Variants in TAB2 observed in about 807,000 individuals in gnomAD.
TAB2 encodes the protein TGF-beta-activated kinase 1 and MAP3K7-binding protein 2.
TAB2 carries 3 observed loss-of-function variants against 65.0 expected under a neutral mutation model. The ratio of observed to expected loss-of-function variants is 0.05; its 90% CI spans 0.02 to 0.12. TAB2 has a LOEUF of 0.12. Among genes scored for constraint, TAB2 ranks in the 10% least tolerant of loss-of-function variants. TAB2 has a pLI of 1.00. For synonymous variants in TAB2, 298 were observed against 285.1 expected (o/e 1.05, Z -0.46); for missense variants, 623 against 840.3 (o/e 0.74, Z 3.20).
Position 149,378,811 on chromosome 6 carries a change from A to G in TAB2, c.896A>G (p.His299Arg), listed in dbSNP as rs990325896. ...ACTACTTCACAACCACCAACCATTC[A>G]TTCATCTGGTAGCTCACAGTCTTCT... is the stretch of plus-strand genomic sequence containing the variant. ...SPTTSQPPTIHSSGSSQSSAH... is the reference protein window; with the variant it reads ...SPTTSQPPTIRSSGSSQSSAH... The change falls in exon 3 of 7, where the codon CAT becomes CGT. Residue 299 changes from histidine (H) to arginine (R), a missense_variant. Coordinates refer to ENST00000637181, the MANE Select transcript of TAB2 (RefSeq NM_001292034.3). 4 of 1,614,098 alleles carry G rather than the reference A, an allele frequency of 2.5e-6. No individual in the cohort carries two copies. The highest frequency in any genetic ancestry group is 3.4e-6 in the Non-Finnish European group (4 of 1,180,030).
chr6:149,390,679 C>G (rs1781954518), intron 3 of TAB2, among the ~76,000 whole-genome samples: 2 of 152,134 alleles, frequency 1.3e-5, no homozygotes, highest in Non-Finnish European at 2.9e-5. Flanking sequence ...TTTAAGAGCC[C>G]TGGTGCTTGA....
chr6:149,286,991 T>TGC (rs1562400794), intron 1 of TAB2, among the ~76,000 whole-genome samples: 2 of 151,776 alleles, frequency 1.3e-5, no homozygotes, highest in African/African-American at 2.4e-5. Context: ...GTGGTAAGCA[T>TGC]CTGTAATCTC....
At chr6:149,346,811 A>G (rs1195187052) in intron 1 of TAB2, among the ~76,000 whole-genome samples, 2 of 152,174 alleles carry the variant, frequency 1.3e-5, no homozygotes, top group African/African-American at 2.4e-5. Flanking sequence ...ATTAATATTT[A>G]ACCAACTTAT....
intron 1 of TAB2, among the ~76,000 whole-genome samples, chr6:149,327,674 G>T (rs907260097): frequency 6.6e-6 from 1 of 152,178 alleles, no homozygotes; most frequent in African/African-American, 2.4e-5. Context: ...AATTTGCATT[G>T]AGAGTGACTT....
intron 3 of TAB2, among the ~76,000 whole-genome samples, chr6:149,395,506 T>C (rs1330606915): frequency 6.6e-6 from 1 of 152,256 alleles, no homozygotes; most frequent in African/African-American, 2.4e-5. Context: ...CCCTAAATAC[T>C]GAACATGTAT....
At chr6:149,288,523 G>T (rs1271979101) in intron 1 of TAB2, among the ~76,000 whole-genome samples, 1 of 152,160 alleles carries the variant, frequency 6.6e-6, no homozygotes, top group South Asian at 2.1e-4. Context: ...CAGGAAAAGG[G>T]TCTTTTCCTC....
chr6:149,249,817 G>A (rs1399939287), intron 1 of TAB2, among the ~76,000 whole-genome samples: 1 of 152,132 alleles, frequency 6.6e-6, no homozygotes, highest in African/African-American at 2.4e-5. Flanking sequence ...CTCCATCACT[G>A]GTCTTACAAA....
chr6:149,388,004 T>C (rs562637222), intron 3 of TAB2, among the ~76,000 whole-genome samples: 1 of 152,338 alleles, frequency 6.6e-6, no homozygotes, highest in African/African-American at 2.4e-5. Context: ...TCCAAGTATC[T>C]TGGCAGACTG....
At chr6:149,294,692 T>A (rs1328374489) in intron 1 of TAB2, among the ~76,000 whole-genome samples, 1 of 152,202 alleles carries the variant, frequency 6.6e-6, no homozygotes, top group Non-Finnish European at 1.5e-5. Context: ...GTAAATTATG[T>A]TCCCAAACAA....
At position 149,410,033 on chromosome 6, in the gene TAB2, T is replaced by A; in HGVS notation, c.*314T>A. 1 of 356,528 alleles carries A rather than the reference T, an allele frequency of 2.8e-6. No individual in the cohort carries two copies. Among genetic ancestry groups the A allele is most frequent in the Non-Finnish European group, 5.2e-6 (1 of 192,208 alleles). The allele number at this position is 356,528 out of a possible 1,614,324, so 22.1% of individuals were successfully genotyped here. Reference sequence around the variant, plus strand: ...TTAACACCTAGGTGTTCCCAATACCTTTTTCCCCTCATGTCACTACTGAAT... The same window carrying A: ...TTAACACCTAGGTGTTCCCAATACCATTTTCCCCTCATGTCACTACTGAAT... On this transcript the variant is annotated 3_prime_UTR_variant, in exon 7 of 7. Coordinates refer to ENST00000637181, the MANE Select transcript of TAB2 (RefSeq NM_001292034.3).
chr6:149,363,923 G>A (rs965257911), intron 1 of TAB2, among the ~76,000 whole-genome samples: 2 of 152,084 alleles, frequency 1.3e-5, no homozygotes, highest in East Asian at 1.9e-4. Flanking sequence ...TTTTCCCATT[G>A]TTTCCTAATT....
intron 1 of TAB2, among the ~76,000 whole-genome samples, chr6:149,239,180 C>T (rs1777552100): frequency 6.6e-6 from 1 of 152,186 alleles, no homozygotes; most frequent in Admixed American, 6.5e-5. Flanking sequence ...TTTGTGCTTC[C>T]AATGAGGCTG....
intron 1 of TAB2, among the ~76,000 whole-genome samples, chr6:149,363,637 T>G (rs939984462): frequency 6.6e-6 from 1 of 152,160 alleles, no homozygotes; most frequent in African/African-American, 2.4e-5. Context: ...GTGAAAAAAT[T>G]AATAATTACT....
rs370372003 is a variant in TAB2 at position 149,327,276 on chromosome 6, T to C, written c.-90+9261T>C. 2.8e-4 allele frequency among the ~76,000 whole-genome samples: 43 copies of C among 152,354 alleles called. No homozygotes were observed. The South Asian group carries it at 8.7e-3, about 31-fold the overall frequency. ...TAAAAATTTAAGACAGATTAAATGT[T>C]CCATTTAATTACTGAGCACAAATTA... On this transcript the variant is annotated intron_variant, in intron 1 of 6. Transcript: ENST00000637181.
At chr6:149,251,457 A>G (rs1317723371) in intron 1 of TAB2, among the ~76,000 whole-genome samples, 1 of 152,118 alleles carries the variant, frequency 6.6e-6, no homozygotes, top group African/African-American at 2.4e-5. Flanking sequence ...TAGAGAAGAG[A>G]TTTGCTTTTT....
intron 1 of TAB2, among the ~76,000 whole-genome samples, chr6:149,280,607 C>T (rs1007564202): frequency 6.6e-6 from 1 of 152,148 alleles, no homozygotes; most frequent in African/African-American, 2.4e-5. Flanking sequence ...ACCTAGAATT[C>T]CATACTCAGC....
chr6:149,222,015 C>T (rs1777158307), intron 1 of TAB2, among the ~76,000 whole-genome samples: 2 of 152,172 alleles, frequency 1.3e-5, no homozygotes, highest in South Asian at 2.1e-4. Context: ...AAATTGCCCT[C>T]ACCAATGTGA....
At chr6:149,283,343 A>G (rs1411412924) in intron 1 of TAB2, among the ~76,000 whole-genome samples, 2 of 152,220 alleles carry the variant, frequency 1.3e-5, no homozygotes. Flanking sequence ...TATGACAGGA[A>G]GTCAATTGAT....
chr6:149,245,304 A>G (rs1418800745), intron 1 of TAB2: 2 of 152,194 alleles, frequency 1.3e-5, no homozygotes, highest in Non-Finnish European at 2.9e-5. Context: ...GGGCACATGT[A>G]GTGGTGACCA....
Sources: allele counts gnomAD v4.1 joint callset (sites outside exome capture counted in the v4.1 genomes callset), GRCh38; gene constraint gnomAD v4.1.1; transcripts MANE v1.5; gene names NCBI Gene and HGNC (gene_info 2026-07-23, HGNC 2026-07-21).